The following CNTNAP4 variants were observed in gnomAD, a reference collection of about 807,000 sequenced individuals.
CNTNAP4 encodes the protein contactin associated protein family member 4.
In CNTNAP4, 98 loss-of-function variants were observed where a neutral mutation model predicts 148.4. That is an observed-to-expected ratio of 0.66 (90% confidence interval 0.56 to 0.78). The LOEUF is 0.78. CNTNAP4 is among the 30% of genes least tolerant of loss of function. The pLI, the probability that CNTNAP4 is intolerant of heterozygous loss-of-function variation, is 0.00. For missense variants in CNTNAP4, 1,935 were observed against 1,565.6 expected (o/e 1.24, Z -3.98); for synonymous variants, 730 against 565.1 (o/e 1.29, Z -4.14).
intron 4 of CNTNAP4, among the ~76,000 whole-genome samples, chr16:76,444,362 C>T (rs1376936562): frequency 1.3e-5 from 2 of 152,030 alleles, no homozygotes; most frequent in African/African-American, 2.4e-5. Flanking sequence ...ATAATCTTTA[C>T]CTGTTAGAAG....
intron 12 of CNTNAP4, among the ~76,000 whole-genome samples, chr16:76,488,990 AAAGAGT>A (rs1261761071): frequency 6.6e-6 from 1 of 152,180 alleles, no homozygotes; most frequent in East Asian, 1.9e-4. Context: ...ATTCAATTCA[AAAGAGT>A]AACTTCCTAT....
intron 12 of CNTNAP4, among the ~76,000 whole-genome samples, chr16:76,487,064 A>T (rs1328840176): frequency 1.3e-5 from 2 of 152,168 alleles, no homozygotes; most frequent in African/African-American, 4.8e-5. Flanking sequence ...TAACTCCTTA[A>T]CTTGCAAGTG....
At chr16:76,544,848 A>C (rs193015150) in intron 21 of CNTNAP4, among the ~76,000 whole-genome samples, 102 of 152,286 alleles carry the variant, frequency 6.7e-4, no homozygotes, top group African/African-American at 2.4e-3. Flanking sequence ...GTACTTTCAA[A>C]TTACTGCAGT....
chr16:76,539,799 G>A lies in CNTNAP4; in HGVS notation c.3301G>A (p.Gly1101Arg). The change falls in exon 20 of 24, where the codon GGA becomes AGA. Residue 1101 changes from glycine (G) to arginine (R), a missense_variant. Gly to Arg is a moderately radical substitution (Grantham distance 125, BLOSUM62 -2). Transcript: ENST00000611870. The part of the protein sequence containing the change: ...VNFDFKNMAD[G>R]QLHHIMINRE... ...CTTTGATTTTAAAAACATGGCTGATGGACAACTTCACCACATAATGATTAA... is the reference window on the plus strand; with the variant it reads ...CTTTGATTTTAAAAACATGGCTGATAGACAACTTCACCACATAATGATTAA... 6.2e-7 allele frequency: 1 copy of A among 1,603,502 alleles called. No individual in the cohort carries two copies. The highest frequency in any genetic ancestry group is 8.5e-7 in the Non-Finnish European group (1 of 1,174,704).
chr16:76,325,786 T>A (rs552637825), intron 2 of CNTNAP4, among the ~76,000 whole-genome samples: 5 of 152,110 alleles, frequency 3.3e-5, no homozygotes, highest in Admixed American at 3.3e-4. Flanking sequence ...GTGCATTAAT[T>A]AATAAAATGG....
chr16:76,477,526 C>T lies in CNTNAP4; in HGVS notation c.1762+1481C>T, dbSNP rs545708895. Among the ~76,000 whole-genome samples, 14 of 152,260 alleles carry T rather than the reference C, an allele frequency of 9.2e-5. No homozygotes were observed. In the East Asian group the frequency reaches 2.1e-3, roughly 23 times the overall value. ...TCTGGGGGCCTGCACAGAGGACCCT[C>T]AGAAGCCCTGATTCGGTGCTGGGGA... On this transcript the variant is annotated intron_variant, in intron 11 of 23. Transcript: ENST00000611870.
chr16:76,380,391 A>G (rs1165393742), intron 3 of CNTNAP4, among the ~76,000 whole-genome samples: 1 of 152,220 alleles, frequency 6.6e-6, no homozygotes, highest in Non-Finnish European at 1.5e-5. Context: ...TCTCATTGAT[A>G]AAAATAAATT....
At chr16:76,320,330 G>C (rs1365945268) in intron 2 of CNTNAP4, among the ~76,000 whole-genome samples, 2 of 152,104 alleles carry the variant, frequency 1.3e-5, no homozygotes, top group African/African-American at 4.8e-5. Context: ...GAAGCTTATA[G>C]CAAAATGTGT....
intron 10 of CNTNAP4, among the ~76,000 whole-genome samples, chr16:76,470,351 T>C (rs1175914795): frequency 6.6e-6 from 1 of 151,246 alleles, no homozygotes; most frequent in African/African-American, 2.4e-5. Flanking sequence ...AAACAAGCAT[T>C]AACAGCCAGC....
chr16:76,348,623 T>C (rs772596918), intron 2 of CNTNAP4, among the ~76,000 whole-genome samples: 1 of 152,128 alleles, frequency 6.6e-6, no homozygotes, highest in African/African-American at 2.4e-5. Context: ...TATTTGGGCA[T>C]TGAGAATGAT....
At chr16:76,342,541 C>T (rs370112577) in intron 2 of CNTNAP4, among the ~76,000 whole-genome samples, 7 of 134,016 alleles carry the variant, frequency 5.2e-5, no homozygotes, top group African/African-American at 2.0e-4. Flanking sequence ...GGTGCAATCT[C>T]GGCTCACTGC....
intron 3 of CNTNAP4, among the ~76,000 whole-genome samples, chr16:76,407,536 G>A (rs1009887645): frequency 3.3e-5 from 5 of 151,944 alleles, no homozygotes; most frequent in Non-Finnish European, 7.4e-5. Flanking sequence ...GACTTTGAGG[G>A]GTTCAAGACT....
chr16:76,522,338 G>C, intron 17 of CNTNAP4, 81 bp downstream of exon 17: 2 of 1,128,356 alleles, frequency 1.8e-6, no homozygotes, highest in South Asian at 2.8e-5. Context: ...ACCAACTATA[G>C]AAACAAGGAT....
chr16:76,339,881 T>A (rs1441012681), intron 2 of CNTNAP4, among the ~76,000 whole-genome samples: 1 of 152,236 alleles, frequency 6.6e-6, no homozygotes, highest in East Asian at 1.9e-4. Flanking sequence ...AAAAGCAAAC[T>A]GTATTCTTTT....
At chr16:76,404,734 A>G (rs1030206225) in intron 3 of CNTNAP4, among the ~76,000 whole-genome samples, 1 of 152,174 alleles carries the variant, frequency 6.6e-6, no homozygotes, top group Non-Finnish European at 1.5e-5. Flanking sequence ...AAGATTTAAT[A>G]CAAAAATTGT....
intron 6 of CNTNAP4, 42 bp downstream of exon 6, chr16:76,448,993 A>G (rs1373711237): frequency 1.9e-6 from 3 of 1,560,318 alleles, no homozygotes; most frequent in East Asian, 2.3e-5. Context: ...TTTATTATGT[A>G]TATGTGGTTT....
At chr16:76,502,796 CA>C (rs1279048538) in intron 15 of CNTNAP4, among the ~76,000 whole-genome samples, 60 of 151,690 alleles carry the variant, frequency 4.0e-4, no homozygotes, top group African/African-American at 1.3e-3. Flanking sequence ...AGGAGATTAA[CA>C]CTTTTTTTTT....
In CNTNAP4 at chr16:76,465,412, C is replaced by A. The variant is rs150369278; in HGVS notation, c.1484-1940C>A. Among the ~76,000 whole-genome samples, 169 of 152,258 alleles carry A rather than the reference C, an allele frequency of 1.1e-3. 2 individuals are homozygous for A. In the East Asian group the frequency reaches 0.028, roughly 26 times the overall value. ...TTGTAGCTAGGAATATGAATTGCCT[C>A]ATGATAGGATAGTATGCTTTCTGTA... On this transcript the variant is annotated intron_variant, in intron 9 of 23. Coordinates refer to ENST00000611870, the MANE Select transcript of CNTNAP4 (RefSeq NM_033401.5).
intron 15 of CNTNAP4, among the ~76,000 whole-genome samples, chr16:76,501,480 A>T (rs1046493907): frequency 7.2e-5 from 11 of 152,164 alleles, no homozygotes; most frequent in African/African-American, 2.7e-4. Context: ...CATCATTTTA[A>T]GCACACAACA....
Sources: allele counts gnomAD v4.1 joint callset (sites outside exome capture counted in the v4.1 genomes callset), GRCh38; gene constraint gnomAD v4.1.1; transcripts MANE v1.5; gene names NCBI Gene and HGNC (gene_info 2026-07-23, HGNC 2026-07-21).